The following COPG2 variants were observed in gnomAD, a reference collection of about 807,000 sequenced individuals.
COPG2 encodes coat protein complex I subunit gamma 2, also known as coatomer subunit gamma-2.
In COPG2, 37 loss-of-function variants were observed where a neutral mutation model predicts 46.3. The ratio of observed to expected loss-of-function variants is 0.80; its 90% CI spans 0.61 to 1.05. The LOEUF is 1.05. Ranked by LOEUF, COPG2 falls within the 50% of genes least tolerant of loss-of-function variation. The pLI, the probability that COPG2 is intolerant of heterozygous loss-of-function variation, is 0.00. For synonymous variants in COPG2, 159 were observed against 129.7 expected, an observed-to-expected ratio of 1.23 and a Z score of -1.53; for missense variants, 427 against 387.8, an observed-to-expected ratio of 1.10 and a Z score of -0.85.
At chr7:130,632,403 T>C (rs907763444) in intron 5 of COPG2, among the ~76,000 whole-genome samples, 11 of 152,238 alleles carry the variant, frequency 7.2e-5, no homozygotes, top group Non-Finnish European at 4.4e-5. Context: ...TTCAGCAGTT[T>C]CATTAAGTGA....
At chr7:130,661,098 T>A (rs782567248) in intron 4 of COPG2, among the ~76,000 whole-genome samples, 1 of 152,232 alleles carries the variant, frequency 6.6e-6, no homozygotes, top group African/African-American at 2.4e-5. Context: ...TTTAAATTCA[T>A]AAGCACTAAC....
intron 20 of COPG2, among the ~76,000 whole-genome samples, chr7:130,537,728 G>A (rs1263438867): frequency 2.6e-5 from 4 of 152,244 alleles, no homozygotes; most frequent in African/African-American, 9.6e-5. Flanking sequence ...CATGCCAAGA[G>A]CAAGAGTGTG....
intron 18 of COPG2, among the ~76,000 whole-genome samples, chr7:130,549,085 G>C (rs1793493181): frequency 6.7e-6 from 1 of 148,730 alleles, no homozygotes; most frequent in African/African-American, 2.5e-5. Context: ...TTTACAATGA[G>C]TTCCCTGTTA....
intron 5 of COPG2, among the ~76,000 whole-genome samples, chr7:130,621,210 A>G (rs1795033774): frequency 6.6e-6 from 1 of 152,222 alleles, no homozygotes; most frequent in Admixed American, 6.5e-5. Flanking sequence ...TAGAGCCTGC[A>G]GAAGGAACCT....
intron 12 of COPG2, among the ~76,000 whole-genome samples, chr7:130,558,009 T>A (rs1329598872): frequency 6.6e-6 from 1 of 151,694 alleles, no homozygotes; most frequent in Non-Finnish European, 1.5e-5. Context: ...CATACGCAAC[T>A]TTTTTGAGTT....
At chr7:130,568,206 C>T (rs908119167) in intron 9 of COPG2, among the ~76,000 whole-genome samples, 5 of 152,164 alleles carry the variant, frequency 3.3e-5, no homozygotes, top group Admixed American at 6.5e-5. Context: ...ACCTGGGAGA[C>T]GGACGTTGCG....
chr7:130,511,392 T>C (rs1799592647), intron 20 of COPG2: 1 of 519,728 alleles, frequency 1.9e-6, no homozygotes, highest in Non-Finnish European at 3.8e-6. Flanking sequence ...TGCAGCATAG[T>C]GTGTAGGACA....
chr7:130,538,412 G>A (rs1383116564), intron 20 of COPG2, among the ~76,000 whole-genome samples: 3 of 152,058 alleles, frequency 2.0e-5, no homozygotes, highest in African/African-American at 7.2e-5. Context: ...AGGGTCCGAT[G>A]CAGAAAAGGG....
intron 20 of COPG2, chr7:130,509,306 A>G: frequency 2.0e-6 from 1 of 512,636 alleles, no homozygotes; most frequent in East Asian, 5.5e-5. Context: ...TAAGAAATGG[A>G]GGTGGGGGTA....
chr7:130,598,697 T>A (rs1180836370), intron 9 of COPG2, among the ~76,000 whole-genome samples: 23 of 152,224 alleles, frequency 1.5e-4, no homozygotes, highest in Admixed American at 1.5e-3. Context: ...GGGCTTGCGC[T>A]GCAATAAGCC....
At chr7:130,659,519 G>T (rs1030164039) in intron 4 of COPG2, among the ~76,000 whole-genome samples, 4 of 152,110 alleles carry the variant, frequency 2.6e-5, no homozygotes, top group African/African-American at 9.7e-5. Context: ...TGGATAAATA[G>T]AATTACTGTA....
At chr7:130,514,356 T>G (rs4131538) in intron 20 of COPG2, among the ~76,000 whole-genome samples, 65,108 of 152,074 alleles carry the variant, frequency 0.43, 16,443 homozygotes, top group East Asian at 0.58. Flanking sequence ...CTTCTTTGTT[T>G]CCAGGTACAG....
intron 6 of COPG2, among the ~76,000 whole-genome samples, chr7:130,615,008 T>C (rs1794923213): frequency 6.6e-6 from 1 of 152,088 alleles, no homozygotes; most frequent in Non-Finnish European, 1.5e-5. Flanking sequence ...CCAAAGCAAA[T>C]GTCCTAGGAA....
rs980167782 is a variant in COPG2 at position 130,518,536 on chromosome 7, T to C, written c.2150-9877A>G. ...CAAGAGTATACCTTGAGAAGAATGA[T>C]GTATCCATCACTGTGATTATCGATG... On this transcript the variant is annotated intron_variant, in intron 20 of 23. Coordinates refer to ENST00000425248, the MANE Select transcript of COPG2 (RefSeq NM_012133.6). 4.3e-3 allele frequency among the ~76,000 whole-genome samples: 657 copies of C among 152,260 alleles called. 3 individuals are homozygous for C. Among genetic ancestry groups the C allele is most frequent in the African/African-American group, 0.015 (639 of 41,544 alleles).
At chr7:130,656,322 T>C (rs1308144616) in intron 4 of COPG2, among the ~76,000 whole-genome samples, 3 of 152,124 alleles carry the variant, frequency 2.0e-5, no homozygotes, top group Non-Finnish European at 2.9e-5. Flanking sequence ...TATAAATCCC[T>C]AGACAAGCTT....
chr7:130,528,547 G>A (rs1280236536), intron 20 of COPG2, among the ~76,000 whole-genome samples: 2 of 152,100 alleles, frequency 1.3e-5, no homozygotes, highest in Non-Finnish European at 2.9e-5. Context: ...AGGCCAGTGG[G>A]AGAATCACAG....
chr7:130,582,666 C>A (rs1435930661), intron 9 of COPG2, among the ~76,000 whole-genome samples: 2 of 149,486 alleles, frequency 1.3e-5, no homozygotes, highest in East Asian at 2.0e-4. Flanking sequence ...AAACAAACAA[C>A]CCCATCAAAA....
intron 11 of COPG2, among the ~76,000 whole-genome samples, chr7:130,562,745 T>C (rs1161152868): frequency 6.6e-6 from 1 of 152,184 alleles, no homozygotes; most frequent in Non-Finnish European, 1.5e-5. Context: ...TATGATAAAA[T>C]ATACTATTAA....
At chr7:130,565,056 G>T (rs1445094146) in intron 9 of COPG2, among the ~76,000 whole-genome samples, 2 of 152,224 alleles carry the variant, frequency 1.3e-5, no homozygotes, top group African/African-American at 4.8e-5. Context: ...GATGTCCTTA[G>T]GGGGCTTTGA....
Sources: gnomAD v4.1 joint callset for allele counts (sites outside exome capture counted in the v4.1 genomes callset) on GRCh38, gnomAD v4.1.1 for gene constraint, MANE v1.5 for transcripts, NCBI Gene and HGNC (gene_info 2026-07-23, HGNC 2026-07-21) for gene names.